Variants in ADAMTS3 observed in about 807,000 individuals in gnomAD.
ADAMTS3 encodes ADAM metallopeptidase with thrombospondin type 1 motif 3.
In ADAMTS3, 73 loss-of-function variants were observed where a neutral mutation model predicts 129.0. That is an observed-to-expected ratio of 0.57 (90% CI 0.47 to 0.69). The LOEUF is 0.69. Among genes scored for constraint, ADAMTS3 ranks in the 30% least tolerant of loss-of-function variants. The probability of loss-of-function intolerance (pLI) is 0.00; values close to 1 mark genes in which losing one functional copy is unlikely to be tolerated. For synonymous variants in ADAMTS3, 477 were observed against 510.8 expected (o/e 0.93, Z 0.89); for missense variants, 1,457 against 1,514.5 (o/e 0.96, Z 0.63).
intron 7 of ADAMTS3, 81 bp from the exon 8 acceptor site, chr4:72,320,044 G>GA: frequency 8.6e-7 from 1 of 1,164,764 alleles, no homozygotes; most frequent in Non-Finnish European, 1.3e-6. Context: ...TGCCTAGGGG[G>GA]AAAAAAGTAA....
intron 4 of ADAMTS3, among the ~76,000 whole-genome samples, chr4:72,409,545 A>G (rs1196701021): frequency 7.1e-6 from 1 of 141,662 alleles, no homozygotes; most frequent in African/African-American, 2.6e-5. Flanking sequence ...GCGTCTTTTC[A>G]TCTTCAATTC....
intron 4 of ADAMTS3, among the ~76,000 whole-genome samples, chr4:72,396,723 C>T (rs926046974): frequency 6.6e-6 from 1 of 152,112 alleles, no homozygotes; most frequent in African/African-American, 2.4e-5. Flanking sequence ...GATGTAATGA[C>T]TTAAATTTTA....
intron 3 of ADAMTS3, among the ~76,000 whole-genome samples, chr4:72,443,781 T>G (rs1718181087): frequency 1.3e-5 from 2 of 151,670 alleles, no homozygotes; most frequent in African/African-American, 4.8e-5. Context: ...AGGTTAATTA[T>G]TCCTCAAAAT....
chr4:72,351,778 C>T (rs1720444388), intron 4 of ADAMTS3, among the ~76,000 whole-genome samples: 2 of 151,810 alleles, frequency 1.3e-5, no homozygotes, highest in South Asian at 2.1e-4. Context: ...GTCCAAAGAA[C>T]ATGATTTTTG....
intron 5 of ADAMTS3, among the ~76,000 whole-genome samples, chr4:72,338,891 T>A (rs1720056479): frequency 6.6e-6 from 1 of 152,176 alleles, no homozygotes; most frequent in South Asian, 2.1e-4. Flanking sequence ...CTTCTGAATC[T>A]GATTAAGGTT....
At chr4:72,506,617 T>C (rs1720165952) in intron 3 of ADAMTS3, among the ~76,000 whole-genome samples, 1 of 152,200 alleles carries the variant, frequency 6.6e-6, no homozygotes, top group Non-Finnish European at 1.5e-5. Context: ...CTTGCAGCTC[T>C]TTCTGGTATC....
chr4:72,365,505 T>C (rs562838832), intron 4 of ADAMTS3, among the ~76,000 whole-genome samples: 12 of 152,306 alleles, frequency 7.9e-5, no homozygotes, highest in Middle Eastern at 3.4e-3. Flanking sequence ...GCAAGGAATA[T>C]GCATTATATA....
At chr4:72,425,475 C>A (rs1234185815) in intron 3 of ADAMTS3, among the ~76,000 whole-genome samples, 1 of 152,022 alleles carries the variant, frequency 6.6e-6, no homozygotes, top group East Asian at 1.9e-4. Flanking sequence ...CTAATGCTAT[C>A]CCTCCCCCTT....
At chr4:72,375,764 TA>T (rs780730990) in intron 4 of ADAMTS3, among the ~76,000 whole-genome samples, 4 of 152,098 alleles carry the variant, frequency 2.6e-5, no homozygotes, top group Non-Finnish European at 4.4e-5. Context: ...ACAGCAGGAA[TA>T]AACTTAAAAT....
In ADAMTS3 at chr4:72,373,876, T is replaced by C. The variant is rs191340863; in HGVS notation, c.662-34183A>G. Reference sequence around the variant, plus strand: ...GATCACACCACTGCACTCTAGACTCTGTGTCAGCAAGACCCCATCTCAAAA... The same window carrying C: ...GATCACACCACTGCACTCTAGACTCCGTGTCAGCAAGACCCCATCTCAAAA... On this transcript the variant is annotated intron_variant, in intron 4 of 21. Transcript: ENST00000286657. Among the ~76,000 whole-genome samples the C allele has an allele frequency of 2.5e-4, 37 of 150,170 alleles. No individual in the cohort carries two copies. The East Asian group carries it at 6.9e-3, about 28-fold the overall frequency.
chr4:72,363,081 T>G (rs1163330641), intron 4 of ADAMTS3, among the ~76,000 whole-genome samples: 1 of 152,142 alleles, frequency 6.6e-6, no homozygotes, highest in Non-Finnish European at 1.5e-5. Flanking sequence ...ACATGAAAGT[T>G]ATTCTCATGA....
At chr4:72,351,940 T>G (rs1310583946) in intron 4 of ADAMTS3, among the ~76,000 whole-genome samples, 1 of 151,942 alleles carries the variant, frequency 6.6e-6, no homozygotes, top group Non-Finnish European at 1.5e-5. Flanking sequence ...TAAATTAGCG[T>G]TCATTGTTGG....
At chr4:72,482,970 C>T (rs1719478756) in intron 3 of ADAMTS3, among the ~76,000 whole-genome samples, 2 of 152,126 alleles carry the variant, frequency 1.3e-5, no homozygotes, top group Admixed American at 1.3e-4. Context: ...AAGAGAATAA[C>T]TATCAGCAAA....
chr4:72,326,348 T>C (rs929009152), intron 5 of ADAMTS3, among the ~76,000 whole-genome samples: 7 of 152,256 alleles, frequency 4.6e-5, no homozygotes, highest in African/African-American at 1.7e-4. Context: ...TTCCAAAATA[T>C]ACTTAATAAT....
At chr4:72,318,972 T>C (rs1222307141) in intron 9 of ADAMTS3, among the ~76,000 whole-genome samples, 1 of 152,136 alleles carries the variant, frequency 6.6e-6, no homozygotes, top group East Asian at 1.9e-4. Context: ...AACCACCACA[T>C]GGTGTGGTAG....
chr4:72,413,298 C>A (rs1722225681), intron 4 of ADAMTS3, among the ~76,000 whole-genome samples: 1 of 151,808 alleles, frequency 6.6e-6, no homozygotes, highest in African/African-American at 2.4e-5. Context: ...CCTATGCGTT[C>A]CTAAAAAATA....
intron 3 of ADAMTS3, among the ~76,000 whole-genome samples, chr4:72,531,947 G>A (rs929443772): frequency 6.6e-6 from 1 of 151,902 alleles, no homozygotes; most frequent in Admixed American, 6.6e-5. Context: ...CTAAAAGAGG[G>A]AGTTAAAGTT....
intron 3 of ADAMTS3, among the ~76,000 whole-genome samples, chr4:72,540,703 T>C (rs144032680): frequency 1.3e-5 from 2 of 152,272 alleles, no homozygotes; most frequent in East Asian, 1.9e-4. Context: ...GCTCCAGCCA[T>C]GACTAAAAGG....
chr4:72,474,192 A>T (rs1392183064), intron 3 of ADAMTS3, among the ~76,000 whole-genome samples: 1 of 152,210 alleles, frequency 6.6e-6, no homozygotes, highest in African/African-American at 2.4e-5. Context: ...AGAACCTGGA[A>T]GATCTCAAAC....
Sources: gnomAD v4.1 joint callset for allele counts (sites outside exome capture counted in the v4.1 genomes callset) on GRCh38, gnomAD v4.1.1 for gene constraint, MANE v1.5 for transcripts, NCBI Gene and HGNC (gene_info 2026-07-23, HGNC 2026-07-21) for gene names.